The following KANSL2 variants were observed in gnomAD, a reference collection of about 807,000 sequenced individuals.
The protein encoded by KANSL2 is KAT8 regulatory NSL complex subunit 2, also known as NSL complex protein NSL2.
Under a neutral mutation model 55.6 loss-of-function variants are expected in KANSL2, and 34 were observed. The ratio of observed to expected loss-of-function variants is 0.61; its 90% CI spans 0.46 to 0.81. The LOEUF (loss-of-function observed/expected upper bound fraction) is 0.81. Among genes scored for constraint, KANSL2 ranks in the 40% least tolerant of loss-of-function variants. The pLI is 0.00. For missense variants in KANSL2, 502 were observed against 609.9 expected (o/e 0.82, Z 1.86); for synonymous variants, 209 against 214.3 (o/e 0.98, Z 0.22).
At chr12:48,654,383 G>A (rs776166847) in intron 9 of KANSL2, 10 of 777,958 alleles carry the variant, frequency 1.3e-5, no homozygotes, top group Admixed American at 8.5e-5. Flanking sequence ...TGAGCTGTAG[G>A]TTGTTTCTTC....
intron 7 of KANSL2, chr12:48,662,798 T>C: frequency 5.1e-6 from 2 of 394,014 alleles, no homozygotes; most frequent in South Asian, 5.9e-5. Context: ...AATAAGCTAT[T>C]TGACTACAGT....
At chr12:48,656,897 C>T in intron 8 of KANSL2, 1 of 358,148 alleles carries the variant, frequency 2.8e-6, no homozygotes, top group Non-Finnish European at 5.5e-6. Flanking sequence ...GAGGTTTGTA[C>T]CCCCCTATGT....
intron 7 of KANSL2, among the ~76,000 whole-genome samples, chr12:48,664,912 G>C (rs1256786824): frequency 1.5e-5 from 2 of 134,882 alleles, no homozygotes; most frequent in Admixed American, 1.5e-4. Context: ...TTAGAGACAG[G>C]GTTTTCCTCT....
chr12:48,681,317 G>A, intron 2 of KANSL2, 65 bp downstream of exon 2: 1 of 1,520,098 alleles, frequency 6.6e-7, no homozygotes. Context: ...CTATGCTGAA[G>A]CCCGCATCAT....
chr12:48,674,376 C>T (rs1271854255), intron 4 of KANSL2, among the ~76,000 whole-genome samples: 1 of 152,136 alleles, frequency 6.6e-6, no homozygotes, highest in African/African-American at 2.4e-5. Flanking sequence ...TCTCAAACTC[C>T]TGAGTTCAGG....
chr12:48,680,393 T>C (rs1028407333), intron 2 of KANSL2, among the ~76,000 whole-genome samples: 2 of 152,084 alleles, frequency 1.3e-5, no homozygotes, highest in Non-Finnish European at 2.9e-5. Context: ...GGTCTCACTG[T>C]ATTGCCTGGG....
At chr12:48,662,485 T>TCCC (rs1443372651) in intron 7 of KANSL2, 1 of 1,150,506 alleles carries the variant, frequency 8.7e-7, no homozygotes, top group Admixed American at 4.2e-5. Context: ...AAAAAAGGAC[T>TCCC]CCCCCCATCA....
rs777489078 is a variant in KANSL2, at chr12:48,679,019, G to A, written c.545+17C>T. On this transcript the variant is annotated intron_variant, in intron 4 of 9. Transcript: ENST00000420613. ...ACTAACTACATTTCAAATGCCTTAT[G>A]TGGAGTTACAACTTACTTTAGGGGA... The A allele has an allele frequency of 3.9e-6, 6 of 1,539,484 alleles. No homozygotes were observed. Among genetic ancestry groups the A allele is most frequent in the Non-Finnish European group, 4.5e-6 (5 of 1,112,726 alleles).
rs748096281 is a variant in KANSL2, at chr12:48,681,786, T to A, written c.-9-145A>T. 32 of 982,682 alleles carry A rather than the reference T, an allele frequency of 3.3e-5. No homozygotes were observed. The South Asian group carries it at 4.2e-4, about 13-fold the overall frequency. The allele number at this position is 982,682 out of a possible 1,614,324, so 60.9% of individuals were successfully genotyped here. On this transcript the variant is annotated intron_variant, in intron 1 of 9. Transcript: ENST00000420613. ...GTAAGTCCCCGCCGCCCTCCCCAAG[T>A]CTCCACAGGCATCTGTGGCTTTGCC...
At chr12:48,672,433 A>ATATATTTT (rs371918890) in intron 4 of KANSL2, among the ~76,000 whole-genome samples, 1 of 120,384 alleles carries the variant, frequency 8.3e-6, no homozygotes, top group African/African-American at 3.6e-5. Context: ...ATATATATAT[A>ATATATTTT]TTTTTTTTTT....
intron 5 of KANSL2, among the ~76,000 whole-genome samples, chr12:48,670,467 A>G (rs1939690639): frequency 6.6e-6 from 1 of 152,228 alleles, no homozygotes; most frequent in Non-Finnish European, 1.5e-5. Context: ...TGGAGGTGAA[A>G]GACAGTGACA....
At chr12:48,656,916 G>C in intron 8 of KANSL2, 1 of 288,244 alleles carries the variant, frequency 3.5e-6, no homozygotes, top group Non-Finnish European at 7.0e-6. Flanking sequence ...GTTTAATCCA[G>C]TTTATAGATG....
At chr12:48,668,860 T>C (rs538954726) in intron 6 of KANSL2, among the ~76,000 whole-genome samples, 2 of 151,796 alleles carry the variant, frequency 1.3e-5, no homozygotes, top group Admixed American at 6.6e-5. Context: ...GCCAACATAG[T>C]GAAACCCCAA....
intron 5 of KANSL2, among the ~76,000 whole-genome samples, chr12:48,670,822 A>G (rs182802002): frequency 1.6e-4 from 24 of 152,174 alleles, no homozygotes; most frequent in Admixed American, 1.2e-3. Context: ...TTTAAAAATT[A>G]GCTGAGTGTG....
At chr12:48,674,123 A>G (rs1049554980) in intron 4 of KANSL2, among the ~76,000 whole-genome samples, 3 of 152,150 alleles carry the variant, frequency 2.0e-5, no homozygotes, top group African/African-American at 7.2e-5. Flanking sequence ...ACTAATTTTA[A>G]GTCAAAAAAT....
intron 6 of KANSL2, among the ~76,000 whole-genome samples, chr12:48,668,707 G>A (rs753983113): frequency 6.6e-6 from 1 of 152,018 alleles, no homozygotes; most frequent in African/African-American, 2.4e-5. Flanking sequence ...CTCAAAAAAA[G>A]ACTGGACATA....
chr12:48,667,668 C>T, intron 7 of KANSL2, 25 bp downstream of exon 7: 1 of 1,554,398 alleles, frequency 6.4e-7, no homozygotes, highest in Non-Finnish European at 8.9e-7. Flanking sequence ...AAACCACAGC[C>T]TTAACAGGCA....
intron 8 of KANSL2, among the ~76,000 whole-genome samples, chr12:48,658,870 T>C (rs1187105591): frequency 6.6e-6 from 1 of 152,244 alleles, no homozygotes; most frequent in East Asian, 1.9e-4. Context: ...GGTGTTAAGT[T>C]ACTACTTGCC....
At chr12:48,667,987 TAC>T (rs1416814220) in intron 6 of KANSL2, among the ~76,000 whole-genome samples, 198 bp from the exon 7 acceptor site, 3 of 152,204 alleles carry the variant, frequency 2.0e-5, no homozygotes, top group Non-Finnish European at 4.4e-5. Flanking sequence ...CAATCCCAAA[TAC>T]ACCTCTCCAT....
Sources: allele counts gnomAD v4.1 joint callset (sites outside exome capture counted in the v4.1 genomes callset), GRCh38; gene constraint gnomAD v4.1.1; transcripts MANE v1.5; gene names NCBI Gene and HGNC (gene_info 2026-07-23, HGNC 2026-07-21).